Variants in ULK2 observed in about 807,000 individuals in gnomAD.
ULK2 encodes unc-51 like autophagy activating kinase 2, also known as serine/threonine-protein kinase ULK2.
Under a neutral mutation model 127.5 loss-of-function variants are expected in ULK2, and 76 were observed. The ratio of observed to expected loss-of-function variants is 0.60; its 90% CI spans 0.50 to 0.72. The LOEUF (loss-of-function observed/expected upper bound fraction) is 0.72, where lower values mean the gene tolerates loss of function less well. Ranked by LOEUF, ULK2 falls within the 30% of genes least tolerant of loss-of-function variation. ULK2 has a pLI of 0.00. For missense variants in ULK2, 1,144 were observed against 1,295.9 expected (o/e 0.88, Z 1.80); for synonymous variants, 452 against 461.9 (o/e 0.98, Z 0.28).
intron 10 of ULK2, among the ~76,000 whole-genome samples, chr17:19,832,599 A>C (rs913162540): frequency 6.6e-6 from 1 of 152,166 alleles, no homozygotes; most frequent in Non-Finnish European, 1.5e-5. Context: ...CAAGCCACAC[A>C]CAGATCTATG....
At chr17:19,832,856 C>T (rs148366531) in intron 10 of ULK2, among the ~76,000 whole-genome samples, 13 of 152,302 alleles carry the variant, frequency 8.5e-5, no homozygotes, top group African/African-American at 2.9e-4. Flanking sequence ...GGCATCGTGG[C>T]TCATGCCTGT....
chr17:19,812,785 T>C (rs951081341), intron 13 of ULK2, among the ~76,000 whole-genome samples: 6 of 152,376 alleles, frequency 3.9e-5, no homozygotes, highest in Admixed American at 3.9e-4. Context: ...TCTCATAATA[T>C]CATGCTGCAT....
At chr17:19,851,843 C>T (rs1161720988) in intron 3 of ULK2, among the ~76,000 whole-genome samples, 2 of 151,424 alleles carry the variant, frequency 1.3e-5, no homozygotes, top group South Asian at 2.1e-4. Flanking sequence ...GTCAGGAGTT[C>T]GAGACTAGCC....
rs1471630486 is a variant in ULK2 at position 19,797,594 on chromosome 17, C to T, written c.1611G>A (p.Gln537=). The part of the protein sequence containing the change: ...QSAPTLTDIY[Q]NKQKLRKQHS... ...GCTGTTTTCTGAGCTTCTGCTTGTT[C>T]TGATAGATGTCAGTGAGGGTGGGGG... Residue 537 remains glutamine (Q), a synonymous_variant, in exon 18 of 27, where the codon CAG becomes CAA. Transcript: ENST00000395544. 1.2e-6 allele frequency: 2 copies of T among 1,613,744 alleles called. No individual in the cohort carries two copies. The highest frequency in any genetic ancestry group is 1.7e-6 in the Non-Finnish European group (2 of 1,179,956).
intron 13 of ULK2, among the ~76,000 whole-genome samples, chr17:19,815,041 G>A (rs1034104788): frequency 6.6e-6 from 1 of 152,048 alleles, no homozygotes; most frequent in Non-Finnish European, 1.5e-5. Context: ...CATTTCCATT[G>A]GGCATCATGC....
intron 26 of ULK2, among the ~76,000 whole-genome samples, chr17:19,776,817 C>G (rs2086820387): frequency 6.6e-6 from 1 of 152,188 alleles, no homozygotes; most frequent in South Asian, 2.1e-4. Context: ...AGAAGTTTCA[C>G]AGGACTCTTT....
rs1597703635 is a variant in ULK2 at position 19,780,776 on chromosome 17, A to C, written c.2759-147T>G. 5 of 1,043,496 alleles carry C rather than the reference A, an allele frequency of 4.8e-6. No homozygotes were observed. In the East Asian group the frequency reaches 1.0e-4, roughly 22 times the overall value. The allele number at this position is 1,043,496 out of a possible 1,614,324, so 64.6% of individuals were successfully genotyped here. A position where few individuals can be genotyped will look rare whatever the true frequency, so the allele number is the denominator to read the frequency against. ...ACCAGAAATAGGATTTTTTCATGTT[A>C]TCTCTTTCAATATGAAAAGATTGAG... On this transcript the variant is annotated intron_variant, in intron 24 of 26. Transcript: ENST00000395544.
At chr17:19,781,798 T>G in intron 23 of ULK2, 91 bp downstream of exon 23, 5 of 1,388,482 alleles carry the variant, frequency 3.6e-6, no homozygotes, top group Non-Finnish European at 4.9e-6. Flanking sequence ...TAATGAGATA[T>G]GATCTTCAGT....
intron 22 of ULK2, among the ~76,000 whole-genome samples, chr17:19,782,400 A>C (rs205093): frequency 0.96 from 146,298 of 152,300 alleles, 70,465 homozygotes; most frequent in African/African-American, 0.99. Context: ...AGGTAGACAC[A>C]AAGATTACAA....
chr17:19,792,954 G>C (rs1398693352), intron 20 of ULK2, among the ~76,000 whole-genome samples: 1 of 152,186 alleles, frequency 6.6e-6, no homozygotes, highest in African/African-American at 2.4e-5. Context: ...CAGTGAAATA[G>C]TTAAGAGTCC....
At chr17:19,776,989 C>A (rs901827736) in intron 26 of ULK2, among the ~76,000 whole-genome samples, 1 of 152,234 alleles carries the variant, frequency 6.6e-6, no homozygotes, top group African/African-American at 2.4e-5. Context: ...ATCCTCACAA[C>A]AACCCTGCAA....
At chr17:19,778,482 T>C (rs1355158123) in intron 25 of ULK2, among the ~76,000 whole-genome samples, 1 of 152,224 alleles carries the variant, frequency 6.6e-6, no homozygotes, top group Non-Finnish European at 1.5e-5. Context: ...GAGGGGATGG[T>C]AGCATTATTC....
chr17:19,792,757 G>C (rs1423849626), intron 20 of ULK2, among the ~76,000 whole-genome samples: 1 of 151,750 alleles, frequency 6.6e-6, no homozygotes, highest in Non-Finnish European at 1.5e-5. Flanking sequence ...AAAAAACCCA[G>C]CCAGTCTCTC....
chr17:19,798,188 GATC>G (rs1368644166), intron 17 of ULK2, among the ~76,000 whole-genome samples: 1 of 151,732 alleles, frequency 6.6e-6, no homozygotes, highest in African/African-American at 2.4e-5. Flanking sequence ...TAGGAAAGAA[GATC>G]ATAAGATAAC....
intron 22 of ULK2, among the ~76,000 whole-genome samples, chr17:19,783,156 C>T (rs952472850): frequency 6.6e-6 from 1 of 152,052 alleles, no homozygotes; most frequent in Non-Finnish European, 1.5e-5. Flanking sequence ...TTTCAATACA[C>T]TGGAACATGC....
At chr17:19,791,206 T>A (rs1184664976) in intron 20 of ULK2, among the ~76,000 whole-genome samples, 1 of 152,206 alleles carries the variant, frequency 6.6e-6, no homozygotes, top group Non-Finnish European at 1.5e-5. Context: ...TCCTCTCAGC[T>A]TATGGATCAT....
intron 12 of ULK2, among the ~76,000 whole-genome samples, chr17:19,817,640 T>C (rs1261337362): frequency 6.6e-6 from 1 of 152,232 alleles, no homozygotes; most frequent in Non-Finnish European, 1.5e-5. Context: ...AGGACCCTAG[T>C]TGACAACTCA....
chr17:19,795,837 G>T (rs1171060837), intron 19 of ULK2, 112 bp from the exon 20 acceptor site: 1 of 1,058,440 alleles, frequency 9.4e-7, no homozygotes, highest in Non-Finnish European at 1.4e-6. Context: ...AAACAATTCA[G>T]GGTAGAGATA....
chr17:19,853,398 A>C (rs1055795193), intron 3 of ULK2, among the ~76,000 whole-genome samples: 1 of 151,960 alleles, frequency 6.6e-6, no homozygotes, highest in Non-Finnish European at 1.5e-5. Flanking sequence ...TTGCCCTTCC[A>C]AAGTGCTGGG....
Sources: gnomAD v4.1 joint callset for allele counts (sites outside exome capture counted in the v4.1 genomes callset) on GRCh38, gnomAD v4.1.1 for gene constraint, MANE v1.5 for transcripts, NCBI Gene and HGNC (gene_info 2026-07-23, HGNC 2026-07-21) for gene names.